The following NMNAT2 variants were observed in gnomAD, a reference collection of about 807,000 sequenced individuals.
The protein encoded by NMNAT2 is nicotinamide nucleotide adenylyltransferase 2, also known as nicotinamide/nicotinic acid mononucleotide adenylyltransferase 2.
A neutral mutation model predicts 41.6 loss-of-function variants in NMNAT2; 11 were observed. That is an observed-to-expected ratio of 0.26 (90% CI 0.17 to 0.44). NMNAT2 has a LOEUF of 0.44. NMNAT2 is among the 20% of genes least tolerant of loss of function. NMNAT2 has a pLI of 1.00. For missense variants in NMNAT2, 288 were observed against 407.7 expected, an observed-to-expected ratio of 0.71 and a Z score of 2.53; for synonymous variants, 148 against 151.2, an observed-to-expected ratio of 0.98 and a Z score of 0.16.
At chr1:183,284,082 T>C in intron 6 of NMNAT2, 43 bp from the exon 7 acceptor site, 1 of 1,563,534 alleles carries the variant, frequency 6.4e-7, no homozygotes, top group African/African-American at 1.3e-5. Context: ...GGAACAGGCT[T>C]CCTGGTACCC....
At chr1:183,348,992 G>A (rs750168089) in intron 1 of NMNAT2, among the ~76,000 whole-genome samples, 1 of 152,126 alleles carries the variant, frequency 6.6e-6, no homozygotes, top group Non-Finnish European at 1.5e-5. Context: ...GCATGGACTC[G>A]GTGCACCAGG....
chr1:183,331,139 C>T (rs951918685), intron 1 of NMNAT2, among the ~76,000 whole-genome samples: 2 of 152,166 alleles, frequency 1.3e-5, no homozygotes, highest in African/African-American at 4.8e-5. Flanking sequence ...CCCCTCACTG[C>T]TCTCCCAGCA....
At chr1:183,417,333 C>T (rs1649283135) in intron 1 of NMNAT2, among the ~76,000 whole-genome samples, 2 of 152,120 alleles carry the variant, frequency 1.3e-5, no homozygotes, top group African/African-American at 2.4e-5. Flanking sequence ...TAAGTCCCCT[C>T]CCCCCAACAC....
At chr1:183,284,301 A>T (rs1182931302) in intron 6 of NMNAT2, among the ~76,000 whole-genome samples, 2 of 152,212 alleles carry the variant, frequency 1.3e-5, no homozygotes, top group African/African-American at 4.8e-5. Flanking sequence ...GCCAATGCCG[A>T]ACACACACAC....
At chr1:183,290,102 G>A (rs202213749) in intron 4 of NMNAT2, 26 bp downstream of exon 4, 98 of 1,546,608 alleles carry the variant, frequency 6.3e-5, no homozygotes, top group Non-Finnish European at 8.1e-5. Context: ...GGTGGTTCAC[G>A]CATCCCCAGG....
intron 1 of NMNAT2, among the ~76,000 whole-genome samples, chr1:183,326,433 G>A (rs1325332292): frequency 6.6e-6 from 1 of 150,524 alleles, no homozygotes; most frequent in Non-Finnish European, 1.5e-5. Context: ...AGATATGGTT[G>A]CAAGGGAAAA....
rs749323287 is a variant in NMNAT2, at chr1:183,290,105, T to A, written c.321+23A>T. 1.9e-6 allele frequency: 3 copies of A among 1,554,316 alleles called. No individual in the cohort carries two copies. In the Admixed American group the frequency reaches 5.7e-5, roughly 30 times the overall value. On this transcript the variant is annotated intron_variant, in intron 4 of 10. Coordinates refer to ENST00000287713, the MANE Select transcript of NMNAT2 (RefSeq NM_015039.4). ...CCCTTGCACTCTGGTGGTTCACGCA[T>A]CCCCAGGCTTGGCCCAGCTCACCTT...
At chr1:183,406,124 G>T (rs1330727345) in intron 1 of NMNAT2, among the ~76,000 whole-genome samples, 1 of 152,176 alleles carries the variant, frequency 6.6e-6, no homozygotes, top group African/African-American at 2.4e-5. Flanking sequence ...TACTTGCTAT[G>T]CTAAGTTCAA....
rs190041921 is a variant in NMNAT2, at chr1:183,308,072, T to C, written c.86-14279A>G. 3.3e-4 allele frequency among the ~76,000 whole-genome samples: 51 copies of C among 152,268 alleles called. No individual in the cohort carries two copies. The East Asian group carries it at 9.7e-3, about 29-fold the overall frequency. ...GTTATTGATTGAGCTCTGCTGGCAT[T>C]GGGACAGAGGAAGTTTCTGCTGCGA... On this transcript the variant is annotated intron_variant, in intron 1 of 10. Transcript: ENST00000287713.
At chr1:183,407,151 T>A (rs1433880667) in intron 1 of NMNAT2, among the ~76,000 whole-genome samples, 1 of 152,198 alleles carries the variant, frequency 6.6e-6, no homozygotes, top group Non-Finnish European at 1.5e-5. Context: ...TTTGCCTCAC[T>A]GAAAAATAAT....
At chr1:183,373,009 A>C (rs1168906099) in intron 1 of NMNAT2, among the ~76,000 whole-genome samples, 1 of 152,212 alleles carries the variant, frequency 6.6e-6, no homozygotes, top group Non-Finnish European at 1.5e-5. Flanking sequence ...CAGGGAGGCC[A>C]TCAAGTCCAG....
chr1:183,406,393 G>A (rs185758576), intron 1 of NMNAT2, among the ~76,000 whole-genome samples: 148 of 152,234 alleles, frequency 9.7e-4, no homozygotes, highest in African/African-American at 1.3e-3. Flanking sequence ...CATGGATCTC[G>A]AGGAAAAGAA....
intron 1 of NMNAT2, among the ~76,000 whole-genome samples, chr1:183,324,572 A>G (rs10911309): frequency 0.45 from 68,136 of 151,848 alleles, 16,314 homozygotes; most frequent in East Asian, 0.8. Context: ...GCCAGAACCA[A>G]CAGCGCAAAC....
intron 1 of NMNAT2, among the ~76,000 whole-genome samples, chr1:183,333,601 T>G (rs1662627381): frequency 6.6e-6 from 1 of 152,198 alleles, no homozygotes; most frequent in Non-Finnish European, 1.5e-5. Context: ...CTAGAGCCTC[T>G]AAAAGCAATG....
At chr1:183,295,402 AC>A (rs1268904363) in intron 1 of NMNAT2, among the ~76,000 whole-genome samples, 1 of 152,210 alleles carries the variant, frequency 6.6e-6, no homozygotes, top group East Asian at 1.9e-4. Context: ...AGCAGATTGT[AC>A]ATAGACTTCC....
intron 1 of NMNAT2, among the ~76,000 whole-genome samples, chr1:183,404,534 T>C (rs1220596084): frequency 6.6e-6 from 1 of 152,172 alleles, no homozygotes; most frequent in East Asian, 1.9e-4. Flanking sequence ...GGAAAATCAC[T>C]GATATAGGAA....
chr1:183,333,507 A>G (rs758958629), intron 1 of NMNAT2, among the ~76,000 whole-genome samples: 1 of 152,218 alleles, frequency 6.6e-6, no homozygotes, highest in Non-Finnish European at 1.5e-5. Flanking sequence ...GGAAAGAAGC[A>G]GAGGTCAGAG....
At chr1:183,254,347 G>A (rs867006699) in intron 10 of NMNAT2, among the ~76,000 whole-genome samples, 31 of 152,148 alleles carry the variant, frequency 2.0e-4, no homozygotes, top group Middle Eastern at 3.4e-3. Flanking sequence ...GTAATGTTGC[G>A]CATCTTTTTA....
intron 10 of NMNAT2, among the ~76,000 whole-genome samples, chr1:183,253,802 T>C (rs576398001): frequency 6.6e-6 from 1 of 152,344 alleles, no homozygotes; most frequent in African/African-American, 2.4e-5. Flanking sequence ...TATTTTTATT[T>C]CTGTGTCTGG....
Sources: gnomAD v4.1 joint callset for allele counts (sites outside exome capture counted in the v4.1 genomes callset) on GRCh38, gnomAD v4.1.1 for gene constraint, MANE v1.5 for transcripts, NCBI Gene and HGNC (gene_info 2026-07-23, HGNC 2026-07-21) for gene names.